NCAPG: variants seen among roughly 807,000 people sequenced by gnomAD.
The protein encoded by NCAPG is condensin complex subunit 3.
NCAPG carries 69 observed loss-of-function variants against 113.1 expected under a neutral mutation model. That is an observed-to-expected ratio of 0.61 (90% CI 0.50 to 0.75). NCAPG has a LOEUF of 0.75. NCAPG is among the 30% of genes least tolerant of loss of function. NCAPG has a pLI of 0.00. For synonymous variants in NCAPG, 370 were observed against 415.8 expected (o/e 0.89, Z 1.34); for missense variants, 1,058 against 1,177.0 (o/e 0.90, Z 1.48).
intron 9 of NCAPG, among the ~76,000 whole-genome samples, chr4:17,824,405 A>AC: frequency 6.6e-6 from 1 of 152,184 alleles, no homozygotes; most frequent in East Asian, 1.9e-4. Flanking sequence ...TCCTCTCCTT[A>AC]TATATACACC....
intron 11 of NCAPG, 105 bp downstream of exon 11, chr4:17,825,666 C>A: frequency 1.9e-6 from 2 of 1,052,588 alleles, no homozygotes; most frequent in Non-Finnish European, 1.4e-6. Flanking sequence ...TTACTTTGAG[C>A]ACTTTGTAAT....
Position 17,837,244 on chromosome 4 carries a change from G to A in NCAPG, c.2195G>A (p.Arg732His), listed in dbSNP as rs766909388. 33 of 1,613,786 alleles carry A rather than the reference G, an allele frequency of 2.0e-5. No individual in the cohort carries two copies. Among genetic ancestry groups the A allele is most frequent in the African/African-American group, 2.7e-5 (2 of 74,892 alleles). ...GLLVSSRILS[R>H]LILLWYNPVT... ...TTGGTCAGCAGCAGGATTCTTTCTC[G>A]TCTTATTTTGTTATGGTACAATCCT... is the stretch of plus-strand genomic sequence containing the variant. Residue 732 changes from arginine (R) to histidine (H), a missense_variant, in exon 15 of 21, where the codon CGT becomes CAT. Physicochemically the swap from Arg to His is conservative, Grantham distance 29. Transcript: ENST00000251496.
chr4:17,844,229 A>AATTTC lies in NCAPG; in HGVS notation c.*810_*814dup, dbSNP rs1192243349. 6.6e-6 allele frequency: 1 copy of AATTTC among 152,384 alleles called. No individual in the cohort carries two copies. Among genetic ancestry groups the AATTTC allele is most frequent in the Non-Finnish European group, 1.5e-5 (1 of 67,858 alleles). The allele number at this position is 152,384 out of a possible 1,614,324, so 9.4% of individuals were successfully genotyped here. ...CAATTTATGAGCACTATTCACTGTC[A>AATTTC]ATTTCATTTCTTGTCTTTTGAAATT... On this transcript the variant is annotated 3_prime_UTR_variant, in exon 21 of 21. Transcript: ENST00000251496.
chr4:17,814,406 AAAG>A (rs1721111969), intron 3 of NCAPG, among the ~76,000 whole-genome samples: 1 of 152,212 alleles, frequency 6.6e-6, no homozygotes, highest in Non-Finnish European at 1.5e-5. Context: ...TCTCCAAAAA[AAAG>A]AAAAAGAAGG....
At position 17,811,255 on chromosome 4, in the gene NCAPG, C is replaced by G. The variant is rs1433976938; in HGVS notation, c.111+67C>G. ...GGCCCACCCTCCCTCAGGGGCCCTC[C>G]GTGGCCCTCGGGCTCGGCGCACCGT... On this transcript the variant is annotated intron_variant, in intron 1 of 20. Coordinates refer to ENST00000251496, the MANE Select transcript of NCAPG (RefSeq NM_022346.5). The surrounding 1 kb of genome is among the most constrained non-coding windows in gnomAD (Gnocchi z 5.3). 150 of 994,370 alleles carry G rather than the reference C, an allele frequency of 1.5e-4. No homozygotes were observed. Among genetic ancestry groups the G allele is most frequent in the Non-Finnish European group, 1.8e-5 (13 of 707,176 alleles). 61.6% of individuals were successfully genotyped at this position (994,370 alleles called of 1,614,324 possible). A position where few individuals can be genotyped will look rare whatever the true frequency, so the allele number is the denominator to read the frequency against.
chr4:17,834,373 G>T lies in NCAPG; in HGVS notation c.1959G>T (p.Gly653=). ...TCTTTGACCAACTGATGACGTTCGG[G>T]ATTGAACCATTTAAAACTAAAAAAA... is the stretch of plus-strand genomic sequence containing the variant. ...KAIFDQLMTF[G]IEPFKTKKIK... Residue 653 remains glycine, a synonymous_variant, in exon 14 of 21, where the codon GGG becomes GGT. Transcript: ENST00000251496. 1.2e-6 allele frequency: 2 copies of T among 1,609,652 alleles called. No homozygotes were observed. The highest frequency in any genetic ancestry group is 8.5e-7 in the Non-Finnish European group (1 of 1,177,724).
At chr4:17,830,503 A>G (rs1721822070) in intron 12 of NCAPG, among the ~76,000 whole-genome samples, 1 of 152,128 alleles carries the variant, frequency 6.6e-6, no homozygotes, top group South Asian at 2.1e-4. Context: ...TAAATACTAC[A>G]GATACGATGT....
chr4:17,828,035 A>G (rs915411708), intron 11 of NCAPG, among the ~76,000 whole-genome samples: 12 of 151,964 alleles, frequency 7.9e-5, no homozygotes, highest in Admixed American at 3.9e-4. Flanking sequence ...TCCTGACCTT[A>G]AGTGATTTAC....
chr4:17,841,100 C>T (rs1722357117), intron 19 of NCAPG: 1 of 151,976 alleles, frequency 6.6e-6, no homozygotes, highest in East Asian at 1.9e-4. Flanking sequence ...CATATTTTCC[C>T]AACTTATTTC....
Position 17,842,302 on chromosome 4 carries a change from T to G in NCAPG, c.2855-8T>G, listed in dbSNP as rs373289456. The G allele has an allele frequency of 5.6e-6, 9 of 1,610,556 alleles. No homozygotes were observed. Among genetic ancestry groups the G allele is most frequent in the Non-Finnish European group, 7.6e-6 (9 of 1,177,386 alleles). ...TAAATCCTGATAATGAATTATACTA[T>G]CTTCAAGGACAGAGAAAAGTGACAG... On this transcript the variant is annotated splice_polypyrimidine_tract_variant and splice_region_variant and intron_variant, in intron 19 of 20. Transcript: ENST00000251496.
rs142352132 is a variant in NCAPG at position 17,812,836 on chromosome 4, G to A, written c.316-81G>A. On this transcript the variant is annotated intron_variant, in intron 2 of 20. Coordinates refer to ENST00000251496, the MANE Select transcript of NCAPG (RefSeq NM_022346.5). ...TTGTTGTTGTAACTTCTTGCATTCC[G>A]AATGTATAGAGTTCAGATAATATTG... is the stretch of plus-strand genomic sequence containing the variant. 11,694 of 1,192,830 alleles carry A rather than the reference G, an allele frequency of 9.8e-3. 83 individuals are homozygous for A. The highest frequency in any genetic ancestry group is 0.025 in the African/African-American group (1,671 of 65,898). The allele number at this position is 1,192,830 out of a possible 1,614,324, so 73.9% of individuals were successfully genotyped here.
Position 17,834,332 on chromosome 4 carries a change from A to C in NCAPG, c.1918A>C (p.Ser640Arg), listed in dbSNP as rs1234879397. ...AATTGATGATGTCACAATAAAAATA[A>C]GTGCTTTAAAGGCAATCTTTGACCA... ...LQIDDVTIKI[S>R]ALKAIFDQLM... Residue 640 changes from serine (S) to arginine (R), a missense_variant, in exon 14 of 21, where the codon AGT becomes CGT. Ser to Arg is a moderately radical substitution (Grantham distance 110). Coordinates refer to ENST00000251496, the MANE Select transcript of NCAPG (RefSeq NM_022346.5). 1.3e-6 allele frequency: 2 copies of C among 1,596,444 alleles called. No individual in the cohort carries two copies. The highest frequency in any genetic ancestry group is 3.5e-5 in the Admixed American group (2 of 57,412).
rs781548664 is a variant in NCAPG at position 17,814,868 on chromosome 4, T to C, written c.560T>C (p.Ile187Thr). Reference protein sequence around the residue: ...CPVVNAYATLIENDSNPEVRR... With the variant: ...CPVVNAYATLTENDSNPEVRR... ...TTATTTTTAGCATATGCTACTTTGA[T>C]TGAAAATGATTCAAATCCAGAAGTT... Residue 187 changes from isoleucine (I) to threonine (T), a missense_variant, in exon 4 of 21, where the codon ATT (isoleucine) becomes ACT (threonine). Physicochemically the swap from Ile to Thr is moderately conservative, Grantham distance 89. Coordinates refer to ENST00000251496, the MANE Select transcript of NCAPG (RefSeq NM_022346.5). The C allele has an allele frequency of 8.1e-6, 13 of 1,614,154 alleles. No individual in the cohort carries two copies. Among genetic ancestry groups the C allele is most frequent in the Non-Finnish European group, 9.3e-6 (11 of 1,179,998 alleles).
chr4:17,824,959 A>G lies in NCAPG; in HGVS notation c.1384-9A>G, dbSNP rs1721599619. On this transcript the variant is annotated splice_polypyrimidine_tract_variant and intron_variant, in intron 9 of 20. Coordinates refer to ENST00000251496, the MANE Select transcript of NCAPG (RefSeq NM_022346.5). ...AACATATATTAAAGCATGTACTCTG[A>G]ACTTACAGGTTACAGAAATTATCTC... 6.2e-7 allele frequency: 1 copy of G among 1,600,690 alleles called. No individual in the cohort carries two copies. The highest frequency in any genetic ancestry group is 1.3e-5 in the African/African-American group (1 of 74,484).
Position 17,812,425 on chromosome 4 carries a change from G to A in NCAPG, c.315+1G>A, listed in dbSNP as rs1721024994. ...TTATTTGTTTACTTTTCTCTTAAAG[G>A]TACTATGAAAATGATAGCTTTGGGG... On this transcript the variant is annotated splice_donor_variant, in intron 2 of 20. Transcript: ENST00000251496. LOFTEE classifies it high-confidence loss of function. 3 of 1,610,706 alleles carry A rather than the reference G, an allele frequency of 1.9e-6. No individual in the cohort carries two copies. Among genetic ancestry groups the A allele is most frequent in the African/African-American group, 1.3e-5 (1 of 74,894 alleles).
At chr4:17,816,368 G>C (rs891531591) in intron 5 of NCAPG, among the ~76,000 whole-genome samples, 12 of 152,146 alleles carry the variant, frequency 7.9e-5, no homozygotes, top group Non-Finnish European at 4.4e-5. Flanking sequence ...TGTGCGGCCC[G>C]GTTCCTAACA....
At chr4:17,822,912 C>A (rs1721516359) in intron 7 of NCAPG, 71 bp from the exon 8 acceptor site, 2 of 1,312,376 alleles carry the variant, frequency 1.5e-6, no homozygotes, top group Non-Finnish European at 2.1e-6. Context: ...CTTTTCTGAC[C>A]TAATGGTGGG....
At chr4:17,836,585 G>A (rs1282894855) in intron 14 of NCAPG, among the ~76,000 whole-genome samples, 21 of 152,042 alleles carry the variant, frequency 1.4e-4, no homozygotes, top group Non-Finnish European at 2.9e-4. Flanking sequence ...TTAGGCTGTT[G>A]ATGCATTTTC....
rs1185883214 is a variant in NCAPG, at chr4:17,817,394, C to T, written c.909C>T (p.Ala303=). ...AAGTGGCAGTCTCTGTTCTCAATGCCTTGTTTTCAATAACTCCTCTCAGTG... is the reference window on the plus strand; with the variant it reads ...AAGTGGCAGTCTCTGTTCTCAATGCTTTGTTTTCAATAACTCCTCTCAGTG... ...SSEVAVSVLN[A]LFSITPLSEL... The change falls in exon 6 of 21, where the codon GCC becomes GCT. Residue 303 remains alanine, a synonymous_variant. Coordinates refer to ENST00000251496, the MANE Select transcript of NCAPG (RefSeq NM_022346.5). 6.2e-7 allele frequency: 1 copy of T among 1,614,096 alleles called. No homozygotes were observed. Among genetic ancestry groups the T allele is most frequent in the South Asian group, 1.1e-5 (1 of 91,086 alleles).
Sources: gnomAD v4.1 joint callset for allele counts (sites outside exome capture counted in the v4.1 genomes callset) on GRCh38, gnomAD v4.1.1 for gene constraint, Gnocchi (gnomAD v3.1) non-coding constraint, MANE v1.5 for transcripts, NCBI Gene and HGNC (gene_info 2026-07-23, HGNC 2026-07-21) for gene names.